GPT2: variants seen among roughly 807,000 people sequenced by gnomAD.
GPT2 encodes glutamic--pyruvic transaminase 2.
A neutral mutation model predicts 56.9 loss-of-function variants in GPT2; 30 were observed. That is an observed-to-expected ratio of 0.53 (90% CI 0.39 to 0.72). The LOEUF is 0.72. Ranked by LOEUF, GPT2 falls within the 30% of genes least tolerant of loss-of-function variation. GPT2 has a pLI of 0.00. For missense variants in GPT2, 542 were observed against 703.4 expected (o/e 0.77, Z 2.60); for synonymous variants, 271 against 283.1 (o/e 0.96, Z 0.43).
chr16:46,911,134 A>G (rs933995610), intron 6 of GPT2, among the ~76,000 whole-genome samples: 1 of 152,184 alleles, frequency 6.6e-6, no homozygotes, highest in African/African-American at 2.4e-5. Context: ...CATATTCAAA[A>G]CAAAAGCAAC....
intron 5 of GPT2, among the ~76,000 whole-genome samples, 153 bp from the exon 6 acceptor site, chr16:46,909,531 G>A (rs1161647166): frequency 1.3e-5 from 2 of 152,104 alleles, no homozygotes; most frequent in Non-Finnish European, 2.9e-5. Context: ...CCTCGCAGCT[G>A]CCCTCATTTT....
intron 2 of GPT2, among the ~76,000 whole-genome samples, chr16:46,891,357 C>T (rs1004103807): frequency 6.6e-6 from 1 of 152,068 alleles, no homozygotes; most frequent in Non-Finnish European, 1.5e-5. Context: ...ATTCTCTTGC[C>T]TCAGCTTCCT....
chr16:46,897,806 C>CAGAGGA, intron 3 of GPT2, 69 bp downstream of exon 3: 3 of 1,343,552 alleles, frequency 2.2e-6, no homozygotes, highest in Non-Finnish European at 3.2e-6. Flanking sequence ...GTCATAGGGG[C>CAGAGGA]CGTCCTCTGC....
rs1961525993 is a variant in GPT2, at chr16:46,930,627, A to G, written c.*1630A>G. On this transcript the variant is annotated 3_prime_UTR_variant, in exon 12 of 12. Transcript: ENST00000340124. ...ACTTGTGCTTGCTGTGTGGTATATA[A>G]ACCAGGATTAGTCCCAGGGTCGTGA... 1.3e-5 allele frequency: 2 copies of G among 152,532 alleles called. No individual in the cohort carries two copies. The highest frequency in any genetic ancestry group is 2.4e-5 in the African/African-American group (1 of 41,450). 9.4% of individuals were successfully genotyped at this position (152,532 alleles called of 1,614,324 possible).
intron 2 of GPT2, among the ~76,000 whole-genome samples, chr16:46,890,351 C>T (rs976009705): frequency 6.6e-6 from 1 of 152,178 alleles, no homozygotes; most frequent in African/African-American, 2.4e-5. Flanking sequence ...TCACATTGTG[C>T]TCCTAGGCCT....
At chr16:46,912,025 C>T (rs938254210) in intron 6 of GPT2, among the ~76,000 whole-genome samples, 15 of 152,122 alleles carry the variant, frequency 9.9e-5, no homozygotes, top group African/African-American at 3.4e-4. Context: ...GCCTTGCTCC[C>T]GGGGTCTTCA....
At chr16:46,915,616 TACAG>T (rs1961135992) in intron 6 of GPT2, 6 of 113,428 alleles carry the variant, frequency 5.3e-5, no homozygotes, top group African/African-American at 1.1e-4. Flanking sequence ...ACACACCAAA[TACAG>T]ACACACATAC....
At chr16:46,903,154 C>T (rs1408253734) in intron 4 of GPT2, among the ~76,000 whole-genome samples, 1 of 151,472 alleles carries the variant, frequency 6.6e-6, no homozygotes, top group Non-Finnish European at 1.5e-5. Context: ...GAGACTGAGA[C>T]AGGAGAATTG....
chr16:46,903,931 A>G (rs563860758), intron 4 of GPT2, among the ~76,000 whole-genome samples: 6 of 152,342 alleles, frequency 3.9e-5, no homozygotes, highest in African/African-American at 1.4e-4. Context: ...AATGGAGAGG[A>G]AGAGCTTAAG....
At chr16:46,925,974 A>T (rs546840171) in intron 10 of GPT2, among the ~76,000 whole-genome samples, 5 of 151,590 alleles carry the variant, frequency 3.3e-5, no homozygotes, top group African/African-American at 9.7e-5. Context: ...CTAAAAATAT[A>T]AAAAAAATTA....
intron 4 of GPT2, among the ~76,000 whole-genome samples, chr16:46,904,374 G>C (rs1960879681): frequency 1.3e-5 from 2 of 152,212 alleles, no homozygotes; most frequent in Non-Finnish European, 1.5e-5. Context: ...TCGTGCCGCT[G>C]CACACCAGCC....
intron 10 of GPT2, among the ~76,000 whole-genome samples, chr16:46,925,759 G>A (rs963644521): frequency 1.3e-5 from 2 of 152,080 alleles, no homozygotes; most frequent in Non-Finnish European, 2.9e-5. Flanking sequence ...GGGAGGTTGC[G>A]GCTACAGTGA....
At chr16:46,919,517 G>A (rs554259118) in intron 8 of GPT2, among the ~76,000 whole-genome samples, 2 of 152,318 alleles carry the variant, frequency 1.3e-5, no homozygotes, top group South Asian at 4.1e-4. Context: ...AAGACCCTGT[G>A]GTAGCAGCAC....
At chr16:46,919,143 G>A (rs1454979484) in intron 8 of GPT2, among the ~76,000 whole-genome samples, 1 of 152,242 alleles carries the variant, frequency 6.6e-6, no homozygotes, top group Admixed American at 6.5e-5. Flanking sequence ...GCTGCCTTAG[G>A]CACTGTGTGA....
chr16:46,885,423 T>A, intron 2 of GPT2: 1 of 956,076 alleles, frequency 1.0e-6, no homozygotes, highest in Non-Finnish European at 1.2e-6. Flanking sequence ...TGCGGAAAGT[T>A]GGTTCTGTTC....
At chr16:46,888,030 T>C (rs1960518771) in intron 2 of GPT2, among the ~76,000 whole-genome samples, 1 of 152,204 alleles carries the variant, frequency 6.6e-6, no homozygotes, top group Non-Finnish European at 1.5e-5. Context: ...AAAAGGAGTT[T>C]TGAAAAGATC....
intron 3 of GPT2, among the ~76,000 whole-genome samples, chr16:46,898,718 T>G (rs1238456813): frequency 6.6e-6 from 1 of 151,162 alleles, no homozygotes; most frequent in Non-Finnish European, 1.5e-5. Flanking sequence ...CCTGGCTGAT[T>G]TTTGTATTTT....
In GPT2 at chr16:46,909,823, A is replaced by G. The variant is rs1486651622; in HGVS notation, c.716A>G (p.Asn239Ser). Residue 239 changes from asparagine to serine, a missense_variant, in exon 6 of 12, where the codon AAC becomes AGC. Transcript: ENST00000340124. ...IQVNYYLDEENCWALNVNELR... is the reference protein window; with the variant it reads ...IQVNYYLDEESCWALNVNELR... ...GTGAATTACTACCTGGACGAGGAGA[A>G]CTGCTGGGCGCTGAATGTGAATGAG... The G allele has an allele frequency of 3.7e-6, 6 of 1,614,190 alleles. No individual in the cohort carries two copies. Among genetic ancestry groups the G allele is most frequent in the Non-Finnish European group, 5.1e-6 (6 of 1,180,028 alleles).
intron 2 of GPT2, among the ~76,000 whole-genome samples, chr16:46,891,312 A>C (rs1960580282): frequency 6.6e-6 from 1 of 151,926 alleles, no homozygotes; most frequent in Non-Finnish European, 1.5e-5. Flanking sequence ...GTGCAATCTT[A>C]GCTCACTGCA....
Sources: allele counts gnomAD v4.1 joint callset (sites outside exome capture counted in the v4.1 genomes callset), GRCh38; gene constraint gnomAD v4.1.1; transcripts MANE v1.5; gene names NCBI Gene and HGNC (gene_info 2026-07-23, HGNC 2026-07-21).